The following FGGY variants were observed in gnomAD, a reference collection of about 807,000 sequenced individuals.
FGGY encodes FGGY carbohydrate kinase domain containing.
A neutral mutation model predicts 71.3 loss-of-function variants in FGGY; 72 were observed. That is an observed-to-expected ratio of 1.01 (90% CI 0.84 to 1.23). FGGY has a LOEUF of 1.23. Among genes scored for constraint, FGGY ranks in the 50% most tolerant of loss-of-function variants. The probability of loss-of-function intolerance (pLI) is 0.00; values close to 1 mark genes in which losing one functional copy is unlikely to be tolerated. For synonymous variants in FGGY, 251 were observed against 250.3 expected, an observed-to-expected ratio of 1.00 and a Z score of -0.02; for missense variants, 668 against 682.3, an observed-to-expected ratio of 0.98 and a Z score of 0.23.
chr1:59,456,860 T>A (rs891792639), intron 5 of FGGY, 101 bp from the exon 6 acceptor site: 1 of 711,320 alleles, frequency 1.4e-6, no homozygotes, highest in Non-Finnish European at 2.4e-6. Flanking sequence ...TTATTCCACT[T>A]CTTTAATACC....
At chr1:59,612,520 T>A (rs372256480) in intron 9 of FGGY, among the ~76,000 whole-genome samples, 3 of 152,088 alleles carry the variant, frequency 2.0e-5, no homozygotes, top group Non-Finnish European at 2.9e-5. Context: ...AAGGAACAAC[T>A]GGTACCAGCC....
intron 14 of FGGY, among the ~76,000 whole-genome samples, chr1:59,748,440 T>A (rs2098218248): frequency 6.6e-6 from 1 of 151,986 alleles, no homozygotes; most frequent in African/African-American, 2.4e-5. Context: ...AGCCAGACAG[T>A]CAAAGATCCT....
intron 1 of FGGY, among the ~76,000 whole-genome samples, chr1:59,318,426 C>T (rs2045834319): frequency 6.6e-6 from 1 of 152,222 alleles, no homozygotes; most frequent in Non-Finnish European, 1.5e-5. Flanking sequence ...AATCATACCG[C>T]TCCATTCTCC....
At chr1:59,521,993 G>A (rs1043033974) in intron 7 of FGGY, among the ~76,000 whole-genome samples, 1 of 152,140 alleles carries the variant, frequency 6.6e-6, no homozygotes, top group Non-Finnish European at 1.5e-5. Flanking sequence ...AAAAACACCT[G>A]CTATTCGAGT....
chr1:59,366,541 A>G (rs2056626097), intron 4 of FGGY, among the ~76,000 whole-genome samples: 1 of 152,120 alleles, frequency 6.6e-6, no homozygotes, highest in African/African-American at 2.4e-5. Flanking sequence ...AAATATTACA[A>G]TAATGTTATG....
intron 12 of FGGY, among the ~76,000 whole-genome samples, chr1:59,664,418 C>G (rs1456349354): frequency 6.6e-6 from 1 of 152,232 alleles, no homozygotes; most frequent in African/African-American, 2.4e-5. Flanking sequence ...GTCACAGCCC[C>G]TCTCGAGGGA....
intron 6 of FGGY, among the ~76,000 whole-genome samples, chr1:59,457,853 A>G (rs931350169): frequency 9.9e-5 from 15 of 152,200 alleles, no homozygotes; most frequent in Non-Finnish European, 1.9e-4. Context: ...GCTCCTAACT[A>G]AGGCCTTAGG....
At chr1:59,396,766 A>T (rs1014434543) in intron 5 of FGGY, among the ~76,000 whole-genome samples, 1 of 152,192 alleles carries the variant, frequency 6.6e-6, no homozygotes, top group Non-Finnish European at 1.5e-5. Flanking sequence ...TAATATTACT[A>T]ATGTTTTAAT....
chr1:59,592,377 C>T (rs1439289610), intron 8 of FGGY, among the ~76,000 whole-genome samples: 8 of 152,072 alleles, frequency 5.3e-5, no homozygotes, highest in African/African-American at 9.7e-5. Flanking sequence ...GTCAGTGTGG[C>T]AATTCCTCAG....
chr1:59,737,309 G>A (rs1358209065), intron 14 of FGGY, among the ~76,000 whole-genome samples: 1 of 152,236 alleles, frequency 6.6e-6, no homozygotes, highest in Non-Finnish European at 1.5e-5. Context: ...CCGTCTAGTG[G>A]AGCTGTGAGA....
At chr1:59,656,126 T>C (rs2097215715) in intron 11 of FGGY, among the ~76,000 whole-genome samples, 1 of 152,224 alleles carries the variant, frequency 6.6e-6, no homozygotes, top group Non-Finnish European at 1.5e-5. Context: ...CATTACACAA[T>C]ATCCAAAATA....
chr1:59,407,279 C>T (rs1016088052), intron 5 of FGGY, among the ~76,000 whole-genome samples: 3 of 152,076 alleles, frequency 2.0e-5, no homozygotes, highest in Admixed American at 2.0e-4. Flanking sequence ...TTCCCTGTCC[C>T]CTGGGTAGAG....
At chr1:59,592,025 T>C (rs1247891853) in intron 8 of FGGY, among the ~76,000 whole-genome samples, 1 of 152,154 alleles carries the variant, frequency 6.6e-6, no homozygotes, top group Non-Finnish European at 1.5e-5. Context: ...GGTGAAAATT[T>C]TCGCAACCTA....
At chr1:59,344,177 A>C (rs1570693389) in intron 3 of FGGY, among the ~76,000 whole-genome samples, 2 of 152,288 alleles carry the variant, frequency 1.3e-5, no homozygotes, top group East Asian at 3.9e-4. Context: ...TATTATTTTC[A>C]AAGTATTAGT....
intron 8 of FGGY, among the ~76,000 whole-genome samples, chr1:59,595,803 C>T (rs903050011): frequency 1.3e-5 from 2 of 152,158 alleles, no homozygotes; most frequent in Non-Finnish European, 2.9e-5. Flanking sequence ...TGCTTTTCTT[C>T]CTTTTATTCT....
chr1:59,677,297 G>T (rs1372911703), intron 14 of FGGY, among the ~76,000 whole-genome samples: 1 of 152,184 alleles, frequency 6.6e-6, no homozygotes, highest in Non-Finnish European at 1.5e-5. Context: ...GGTTTGCAGG[G>T]TACCTGCCTT....
intron 15 of FGGY, among the ~76,000 whole-genome samples, chr1:59,761,845 C>T (rs34168375): frequency 0.018 from 2,771 of 152,286 alleles, 33 homozygotes; most frequent in East Asian, 0.034. Flanking sequence ...TTAAAATGTT[C>T]AGTCTTTGTC....
At chr1:59,467,708 TA>T (rs1006379372) in intron 6 of FGGY, among the ~76,000 whole-genome samples, 7 of 152,126 alleles carry the variant, frequency 4.6e-5, no homozygotes, top group African/African-American at 1.7e-4. Flanking sequence ...AAAAAAATAA[TA>T]ATAAAATGGA....
At chr1:59,732,839 C>G (rs941588973) in intron 14 of FGGY, among the ~76,000 whole-genome samples, 4 of 151,984 alleles carry the variant, frequency 2.6e-5, no homozygotes, top group Non-Finnish European at 4.4e-5. Flanking sequence ...ATTCTTGCAC[C>G]CTGAAATCCC....
Sources: allele counts gnomAD v4.1 joint callset (sites outside exome capture counted in the v4.1 genomes callset), GRCh38; gene constraint gnomAD v4.1.1; transcripts MANE v1.5; gene names NCBI Gene and HGNC (gene_info 2026-07-23, HGNC 2026-07-21).